OPRD1: variants seen among roughly 807,000 people sequenced by gnomAD.
The protein encoded by OPRD1 is delta-type opioid receptor.
Under a neutral mutation model 17.5 loss-of-function variants are expected in OPRD1, and 19 were observed. That is an observed-to-expected ratio of 1.09 (90% CI 0.76 to 1.60). OPRD1 has a LOEUF of 1.60. Among genes scored for constraint, OPRD1 ranks in the 40% most tolerant of loss-of-function variants. The pLI is 0.00. For missense variants in OPRD1, 483 were observed against 547.2 expected (o/e 0.88, Z 1.17); for synonymous variants, 256 against 240.9 (o/e 1.06, Z -0.58).
intron 1 of OPRD1, among the ~76,000 whole-genome samples, chr1:28,848,254 A>C (rs1320828803): frequency 6.6e-6 from 1 of 152,158 alleles, no homozygotes; most frequent in East Asian, 1.9e-4. Flanking sequence ...TAAAAAAAAA[A>C]AATGACAGCA....
chr1:28,838,884 T>C (rs1023919534), intron 1 of OPRD1, among the ~76,000 whole-genome samples: 1 of 152,120 alleles, frequency 6.6e-6, no homozygotes, highest in African/African-American at 2.4e-5. Context: ...TCCATGCTTC[T>C]CCTTGGGCTG....
At chr1:28,829,594 C>T (rs1459526152) in intron 1 of OPRD1, among the ~76,000 whole-genome samples, 3 of 152,118 alleles carry the variant, frequency 2.0e-5, no homozygotes, top group Non-Finnish European at 4.4e-5. Flanking sequence ...GTCTCGAACT[C>T]CTGACCTCAG....
Position 28,859,094 on chromosome 1 carries a change from C to T in OPRD1, c.368C>T (p.Ala123Val). 6.2e-7 allele frequency: 1 copy of T among 1,614,270 alleles called. No individual in the cohort carries two copies. The highest frequency in any genetic ancestry group is 8.5e-7 in the Non-Finnish European group (1 of 1,180,048). ...TWPFGELLCK[A>V]VLSIDYYNMF... ...CCCTTCGGCGAGCTGCTCTGCAAGG[C>T]TGTGCTCTCCATCGACTACTACAAT... is the stretch of plus-strand genomic sequence containing the variant. The change falls in exon 2 of 3, where the codon GCT becomes GTT. Residue 123 changes from alanine (A) to valine (V), a missense_variant. Physicochemically the swap from Ala to Val is moderately conservative, Grantham distance 64. Transcript: ENST00000234961.
At chr1:28,824,375 C>T (rs1337295673) in intron 1 of OPRD1, among the ~76,000 whole-genome samples, 17 of 141,240 alleles carry the variant, frequency 1.2e-4, no homozygotes, top group African/African-American at 1.8e-4. Flanking sequence ...AGTGCAGTGG[C>T]GCCATCTCAG....
At chr1:28,839,785 G>C (rs1212517049) in intron 1 of OPRD1, among the ~76,000 whole-genome samples, 1 of 152,226 alleles carries the variant, frequency 6.6e-6, no homozygotes, top group East Asian at 1.9e-4. Context: ...CAGCAGAGCT[G>C]AGTCACTTCA....
intron 1 of OPRD1, among the ~76,000 whole-genome samples, chr1:28,858,304 G>C (rs1418635455): frequency 3.4e-5 from 5 of 148,450 alleles, no homozygotes; most frequent in Non-Finnish European, 6.0e-5. Flanking sequence ...TTAGTAGAGA[G>C]GGGGTTTCAC....
At chr1:28,825,448 C>T (rs940761276) in intron 1 of OPRD1, among the ~76,000 whole-genome samples, 18 of 152,184 alleles carry the variant, frequency 1.2e-4, no homozygotes, top group African/African-American at 3.6e-4. Context: ...TACAGTGGCA[C>T]GATCTCGGCT....
At chr1:28,825,479 G>A (rs639653) in intron 1 of OPRD1, among the ~76,000 whole-genome samples, 69,776 of 151,768 alleles carry the variant, frequency 0.46, 18,001 homozygotes, top group East Asian at 0.81. Context: ...TCCACCTCCC[G>A]GGTTCAAGCG....
chr1:28,825,246 A>C (rs2124264123), intron 1 of OPRD1, among the ~76,000 whole-genome samples: 1 of 152,284 alleles, frequency 6.6e-6, no homozygotes, highest in South Asian at 2.1e-4. Flanking sequence ...GTGTCTTTTG[A>C]GTCCATGGCC....
In OPRD1 at chr1:28,868,551, C is replaced by T. The variant is rs1027719550; in HGVS notation, c.*5268C>T. On this transcript the variant is annotated 3_prime_UTR_variant, in exon 3 of 3. Transcript: ENST00000234961. ...CTTGCTGGGCTTGGAATTAGAAATG[C>T]TCCTCAAGGGCTGGGTGCAGTGGCT... 1 of 152,330 alleles carries T rather than the reference C, an allele frequency of 6.6e-6. No homozygotes were observed. The highest frequency in any genetic ancestry group is 6.5e-5 in the Admixed American group (1 of 15,268). 9.4% of individuals were successfully genotyped at this position (152,330 alleles called of 1,614,324 possible). A position where few individuals can be genotyped will look rare whatever the true frequency, so the allele number is the denominator to read the frequency against.
At chr1:28,844,352 G>A (rs2088921835) in intron 1 of OPRD1, among the ~76,000 whole-genome samples, 1 of 152,104 alleles carries the variant, frequency 6.6e-6, no homozygotes, top group Non-Finnish European at 1.5e-5. Flanking sequence ...GTGTAGTGGT[G>A]TAATCATGGC....
intron 1 of OPRD1, among the ~76,000 whole-genome samples, chr1:28,836,242 G>A (rs57325311): frequency 2.4e-4 from 36 of 152,168 alleles, no homozygotes; most frequent in African/African-American, 7.5e-4. Context: ...TCAGCCAGGC[G>A]CGGTGGCTCA....
At position 28,866,224 on chromosome 1, in the gene OPRD1, C is replaced by A. The variant is rs1372342903; in HGVS notation, c.*2941C>A. 1 of 152,168 alleles carries A rather than the reference C, an allele frequency of 6.6e-6. No homozygotes were observed. The highest frequency in any genetic ancestry group is 1.5e-5 in the Non-Finnish European group (1 of 68,038). The allele number at this position is 152,168 out of a possible 1,614,324, so 9.4% of individuals were successfully genotyped here. Reference sequence around the variant, plus strand: ...TGTGATGAGTGCGGTGACAGGGAGCCCCAGGGAGGGTGTCACAGGGAAGTG... The same window carrying A: ...TGTGATGAGTGCGGTGACAGGGAGCACCAGGGAGGGTGTCACAGGGAAGTG... On this transcript the variant is annotated 3_prime_UTR_variant, in exon 3 of 3. Transcript: ENST00000234961.
intron 1 of OPRD1, among the ~76,000 whole-genome samples, chr1:28,824,017 A>G (rs1275028646): frequency 3.3e-5 from 5 of 151,134 alleles, no homozygotes; most frequent in Non-Finnish European, 7.4e-5. Flanking sequence ...TTCTCTACTA[A>G]AAATAAAAAA....
rs1363533563 is a variant in OPRD1 at position 28,859,071 on chromosome 1, CT to C, written c.347del (p.Phe116SerfsTer26). ...CCAAGTACCTGATGGAGACGTGGCC[CT>C]TCGGCGAGCTGCTCTGCAAGGCTGT... ...SAKYLMETWP[F>X]GELLCKAVLS... is the part of the protein sequence containing the mutation. On this transcript the variant is annotated frameshift_variant, in exon 2 of 3. Transcript: ENST00000234961. LOFTEE classifies it high-confidence loss of function. The C allele has an allele frequency of 6.2e-7, 1 of 1,614,244 alleles. No homozygotes were observed. Among genetic ancestry groups the C allele is most frequent in the South Asian group, 1.1e-5 (1 of 91,086 alleles).
At chr1:28,848,445 C>G (rs2088971419) in intron 1 of OPRD1, among the ~76,000 whole-genome samples, 1 of 152,170 alleles carries the variant, frequency 6.6e-6, no homozygotes, top group Non-Finnish European at 1.5e-5. Flanking sequence ...TCAATATACT[C>G]CGTTCTTATC....
At chr1:28,841,789 C>T (rs1193578533) in intron 1 of OPRD1, among the ~76,000 whole-genome samples, 1 of 151,930 alleles carries the variant, frequency 6.6e-6, no homozygotes, top group Non-Finnish European at 1.5e-5. Context: ...TCTCAGCTCA[C>T]TGCAGCCTCC....
rs773578102 is a variant in OPRD1, at chr1:28,823,190, C to CTTTTT, written c.227+10600_227+10604dup. Among the ~76,000 whole-genome samples the CTTTTT allele has an allele frequency of 5.0e-4, 51 of 101,894 alleles. 1 individual carries two copies. The highest frequency in any genetic ancestry group is 1.4e-3 in the African/African-American group (34 of 24,148). 66.8% of individuals were successfully genotyped at this position (101,894 alleles called of 152,430 possible). On this transcript the variant is annotated intron_variant, in intron 1 of 2. Transcript: ENST00000234961. Reference sequence around the variant, plus strand: ...CAGAAAGAATCTTTTCTTCTGTAGTCTTTTTTTTTTTTTTTTTTTTTTTTG... The same window carrying CTTTTT: ...CAGAAAGAATCTTTTCTTCTGTAGTCTTTTTTTTTTTTTTTTTTTTTTTTTTTTTG...
chr1:28,827,745 C>G (rs680825), intron 1 of OPRD1, among the ~76,000 whole-genome samples: 1 of 151,344 alleles, frequency 6.6e-6, no homozygotes, highest in African/African-American at 2.4e-5. Flanking sequence ...TTTCCCCCTG[C>G]TCAGAGACAC....
Sources: gnomAD v4.1 joint callset for allele counts (sites outside exome capture counted in the v4.1 genomes callset) on GRCh38, gnomAD v4.1.1 for gene constraint, MANE v1.5 for transcripts, NCBI Gene and HGNC (gene_info 2026-07-23, HGNC 2026-07-21) for gene names.